The following RIT2 variants were observed in gnomAD, a reference collection of about 807,000 sequenced individuals.
RIT2 encodes the protein Ras like without CAAX 2, also known as GTP-binding protein Rit2.
RIT2 carries 24 observed loss-of-function variants against 23.7 expected under a neutral mutation model. The ratio of observed to expected loss-of-function variants is 1.01; its 90% CI spans 0.73 to 1.43. The LOEUF (loss-of-function observed/expected upper bound fraction) is 1.43. RIT2 is among the 40% of genes most tolerant of loss of function. The pLI, the probability that RIT2 is intolerant of heterozygous loss-of-function variation, is 0.00. For missense variants in RIT2, 236 were observed against 266.9 expected (o/e 0.88, Z 0.81); for synonymous variants, 107 against 91.1 (o/e 1.17, Z -0.99).
chr18:42,973,418 A>G (rs1281304801), intron 3 of RIT2, among the ~76,000 whole-genome samples: 1 of 151,896 alleles, frequency 6.6e-6, no homozygotes, highest in Non-Finnish European at 1.5e-5. Context: ...TATATTTTTA[A>G]CATAATCATT....
chr18:42,942,823 A>G (rs560450238), intron 3 of RIT2, among the ~76,000 whole-genome samples: 2 of 152,270 alleles, frequency 1.3e-5, no homozygotes, highest in South Asian at 4.1e-4. Context: ...AATTCACCAA[A>G]TCTGCATAAT....
intron 4 of RIT2, among the ~76,000 whole-genome samples, chr18:42,920,948 T>A (rs1909041086): frequency 6.6e-6 from 1 of 152,098 alleles, no homozygotes; most frequent in African/African-American, 2.4e-5. Context: ...TCTGCTTTTT[T>A]TTTTTTATAT....
intron 4 of RIT2, among the ~76,000 whole-genome samples, chr18:42,847,114 C>G (rs1056220300): frequency 2.0e-5 from 3 of 152,116 alleles, no homozygotes; most frequent in East Asian, 1.9e-4. Context: ...ATATATTGGA[C>G]TGTTCCTCAC....
intron 1 of RIT2, among the ~76,000 whole-genome samples, chr18:43,090,541 A>G (rs1429779384): frequency 6.6e-6 from 1 of 152,144 alleles, no homozygotes; most frequent in East Asian, 1.9e-4. Context: ...AGGAATGTAA[A>G]TCATTCTGTT....
At chr18:42,825,873 T>C (rs76141570) in intron 4 of RIT2, among the ~76,000 whole-genome samples, 16,323 of 151,966 alleles carry the variant, frequency 0.11, 996 homozygotes, top group Middle Eastern at 0.24. Context: ...TTTTCAGCTA[T>C]TTTACAACTC....
At chr18:42,933,833 C>G in intron 3 of RIT2, among the ~76,000 whole-genome samples, 1 of 151,906 alleles carries the variant, frequency 6.6e-6, no homozygotes, top group Non-Finnish European at 1.5e-5. Flanking sequence ...TCCTGGCCAA[C>G]ATGGTGAAAC....
intron 2 of RIT2, among the ~76,000 whole-genome samples, chr18:42,994,973 C>A (rs1400789804): frequency 3.3e-5 from 5 of 152,168 alleles, no homozygotes; most frequent in Non-Finnish European, 7.4e-5. Flanking sequence ...GGATACCACA[C>A]CTGACCTGGA....
intron 3 of RIT2, among the ~76,000 whole-genome samples, chr18:42,950,431 A>G (rs1909823043): frequency 6.6e-6 from 1 of 152,092 alleles, no homozygotes; most frequent in Non-Finnish European, 1.5e-5. Context: ...ACCTCAAACT[A>G]TAAGAATCCT....
intron 3 of RIT2, among the ~76,000 whole-genome samples, chr18:42,925,160 CCTAA>C (rs529989773): frequency 2.1e-3 from 319 of 152,050 alleles, no homozygotes; most frequent in Middle Eastern, 6.8e-3. Flanking sequence ...TTAACTCAAT[CCTAA>C]CTTTCACAAT....
At chr18:42,906,262 C>T (rs949604380) in intron 4 of RIT2, among the ~76,000 whole-genome samples, 8 of 151,808 alleles carry the variant, frequency 5.3e-5, no homozygotes, top group Non-Finnish European at 1.2e-4. Context: ...ATGGCAGCAA[C>T]AAAATAATAC....
intron 3 of RIT2, among the ~76,000 whole-genome samples, chr18:42,935,488 G>A (rs534829822): frequency 5.9e-5 from 9 of 152,174 alleles, no homozygotes; most frequent in African/African-American, 2.2e-4. Context: ...CGAAGCTCTG[G>A]ACTCACCCAT....
intron 1 of RIT2, among the ~76,000 whole-genome samples, chr18:43,084,350 A>G (rs1913230488): frequency 6.6e-6 from 1 of 152,200 alleles, no homozygotes; most frequent in African/African-American, 2.4e-5. Context: ...ATCTGGAACC[A>G]GAAATACCAT....
intron 2 of RIT2, among the ~76,000 whole-genome samples, chr18:43,031,028 C>T (rs1009764529): frequency 2.0e-5 from 3 of 151,864 alleles, no homozygotes; most frequent in Admixed American, 6.6e-5. Context: ...GATCTGGTGC[C>T]TGGTAATGTA....
intron 3 of RIT2, among the ~76,000 whole-genome samples, chr18:42,963,821 A>G (rs1910148213): frequency 6.6e-6 from 1 of 152,192 alleles, no homozygotes; most frequent in South Asian, 2.1e-4. Context: ...ACTTGAACCC[A>G]GGAGGTGGAG....
intron 4 of RIT2, among the ~76,000 whole-genome samples, chr18:42,868,938 T>C (rs1907544374): frequency 1.3e-5 from 2 of 152,174 alleles, no homozygotes; most frequent in Non-Finnish European, 2.9e-5. Flanking sequence ...CTTGAATACC[T>C]TGAATTAAGG....
rs142708169 is a variant in RIT2, at chr18:42,765,865, C to T, written c.427-22145G>A. On this transcript the variant is annotated intron_variant, in intron 4 of 4. Coordinates refer to ENST00000326695, the MANE Select transcript of RIT2 (RefSeq NM_002930.4). The stretch of plus-strand genomic sequence containing the variant: ...TTGAATCATGAGGGCTGGTCTTTCC[C>T]GTGCTATTCTTGTGATAGTGAATAA... 4.3e-4 allele frequency among the ~76,000 whole-genome samples: 66 copies of T among 152,052 alleles called. 1 individual carries two copies. In the South Asian group the frequency reaches 0.013, roughly 30 times the overall value.
rs1490588207 is a variant in RIT2, at chr18:42,909,879, T to C, written c.426+13693A>G. ...GCTGTAAACATAATAAGACCATCCT[T>C]CATTTCATGAGTTTAAAAATTATAT... On this transcript the variant is annotated intron_variant, in intron 4 of 4. Coordinates refer to ENST00000326695, the MANE Select transcript of RIT2 (RefSeq NM_002930.4). Among the ~76,000 whole-genome samples the C allele has an allele frequency of 1.3e-5, 2 of 152,070 alleles. 1 individual carries two copies. The highest frequency in any genetic ancestry group is 1.3e-4 in the Admixed American group (2 of 15,246).
intron 1 of RIT2, among the ~76,000 whole-genome samples, chr18:43,049,221 A>T (rs1367800686): frequency 6.6e-6 from 1 of 152,198 alleles, no homozygotes; most frequent in African/African-American, 2.4e-5. Context: ...CCTTTCATAA[A>T]CAATGACACA....
At chr18:42,930,438 T>TA (rs1305335309) in intron 3 of RIT2, among the ~76,000 whole-genome samples, 3 of 151,850 alleles carry the variant, frequency 2.0e-5, no homozygotes, top group African/African-American at 4.8e-5. Flanking sequence ...ACATTAGATA[T>TA]AAAAAAACAA....
Sources: allele counts gnomAD v4.1 joint callset (sites outside exome capture counted in the v4.1 genomes callset), GRCh38; gene constraint gnomAD v4.1.1; transcripts MANE v1.5; gene names NCBI Gene and HGNC (gene_info 2026-07-23, HGNC 2026-07-21).